The following C12orf42 variants were observed in gnomAD, a reference collection of about 807,000 sequenced individuals.
C12orf42 encodes chromosome 12 open reading frame 42.
In C12orf42, 25 loss-of-function variants were observed where a neutral mutation model predicts 21.6. That is an observed-to-expected ratio of 1.16 (90% CI 0.84 to 1.62). C12orf42 has a LOEUF of 1.62. Ranked by LOEUF, C12orf42 falls within the 40% of genes most tolerant of loss-of-function variation. The pLI is 0.00. For synonymous variants in C12orf42, 174 were observed against 175.0 expected, an observed-to-expected ratio of 0.99 and a Z score of 0.05; for missense variants, 483 against 459.3, an observed-to-expected ratio of 1.05 and a Z score of -0.47.
chr12:103,561,271 G>A, the C12orf42 span, among the ~76,000 whole-genome samples: 2,756 of 152,232 alleles, frequency 0.018, 72 homozygotes, highest in African/African-American at 0.054. Context: ...TTTTGTACAT[G>A]AGGCTTCCTT....
intron 2 of C12orf42, among the ~76,000 whole-genome samples, chr12:103,407,018 C>T (rs1408392199): frequency 1.3e-5 from 2 of 152,096 alleles, no homozygotes; most frequent in African/African-American, 4.8e-5. Context: ...TTATTGACAG[C>T]CAACAATTTT....
At chr12:103,118,605 T>C in the C12orf42 span, among the ~76,000 whole-genome samples, 3 of 151,918 alleles carry the variant, frequency 2.0e-5, no homozygotes, top group South Asian at 4.2e-4. Context: ...GAGACCATCC[T>C]GGCTAACACG....
At chr12:103,206,870 C>G in the C12orf42 span, among the ~76,000 whole-genome samples, 1 of 152,144 alleles carries the variant, frequency 6.6e-6, no homozygotes, top group African/African-American at 2.4e-5. Context: ...AGCCGATCTT[C>G]CCGGCTAGAA....
At chr12:103,217,530 C>CA in the C12orf42 span, among the ~76,000 whole-genome samples, 1,865 of 77,810 alleles carry the variant, frequency 0.024, 23 homozygotes, top group African/African-American at 0.057. Flanking sequence ...GACCCTGTCT[C>CA]AAAAAAAAAA....
At chr12:103,211,843 A>C in the C12orf42 span, among the ~76,000 whole-genome samples, 1 of 152,208 alleles carries the variant, frequency 6.6e-6, no homozygotes, top group African/African-American at 2.4e-5. Context: ...CACTTGTCAG[A>C]TATATATGTT....
the C12orf42 span, among the ~76,000 whole-genome samples, chr12:103,210,639 C>CTTTTTTTTTTTTTTTTTTTTT: frequency 3.9e-5 from 3 of 77,628 alleles, no homozygotes; most frequent in Non-Finnish European, 5.1e-5. Flanking sequence ...CCCTCTATTT[C>CTTTTTTTTTTTTTTTTTTTTT]TTTTTTTTTT....
intron 3 of C12orf42, among the ~76,000 whole-genome samples, chr12:103,381,174 A>T (rs1322415662): frequency 6.6e-6 from 1 of 152,228 alleles, no homozygotes; most frequent in Non-Finnish European, 1.5e-5. Flanking sequence ...CAACTCCCCA[A>T]CATTGAGCAA....
At chr12:103,281,909 G>GACAGAA (rs1566016141) in intron 4 of C12orf42, among the ~76,000 whole-genome samples, 30 of 116,156 alleles carry the variant, frequency 2.6e-4, no homozygotes, top group African/African-American at 1.0e-3. Context: ...AAGAAAAGAA[G>GACAGAA]AAAGAAAAAG....
At chr12:103,191,570 A>AAAAAAAAAAAAAAAAAAAAAC in the C12orf42 span, among the ~76,000 whole-genome samples, 1 of 129,024 alleles carries the variant, frequency 7.8e-6, no homozygotes, top group African/African-American at 2.9e-5. Context: ...AAAAAAAAAA[A>AAAAAAAAAAAAAAAAAAAAAC]AAAATACAAA....
chr12:103,469,931 G>A (rs1371451003), intron 2 of C12orf42, among the ~76,000 whole-genome samples: 1 of 152,158 alleles, frequency 6.6e-6, no homozygotes, highest in African/African-American at 2.4e-5. Flanking sequence ...ATATAGCTCA[G>A]TTTGCTCATA....
At chr12:103,080,003 C>A in the C12orf42 span, among the ~76,000 whole-genome samples, 9 of 152,014 alleles carry the variant, frequency 5.9e-5, no homozygotes, top group South Asian at 2.1e-4. Context: ...GGCTCTGGGA[C>A]GGCGGTAGAG....
At chr12:103,552,316 A>C in the C12orf42 span, among the ~76,000 whole-genome samples, 1 of 152,200 alleles carries the variant, frequency 6.6e-6, no homozygotes, top group Non-Finnish European at 1.5e-5. Context: ...CCCGTTAGTC[A>C]GAGAGCATTG....
chr12:103,370,761 A>G (rs1225962794), intron 3 of C12orf42, among the ~76,000 whole-genome samples: 1 of 152,052 alleles, frequency 6.6e-6, no homozygotes, highest in African/African-American at 2.4e-5. Context: ...AAAGAATCAG[A>G]AAAAATACCC....
the C12orf42 span, among the ~76,000 whole-genome samples, chr12:103,052,333 C>CA: frequency 2.6e-5 from 4 of 152,110 alleles, no homozygotes; most frequent in Non-Finnish European, 4.4e-5. Context: ...ACAGGTGACT[C>CA]AAATTCTCAC....
chr12:103,190,777 T>C, the C12orf42 span, among the ~76,000 whole-genome samples: 5 of 151,866 alleles, frequency 3.3e-5, no homozygotes, highest in Non-Finnish European at 7.4e-5. Flanking sequence ...CACCATCGAG[T>C]AAACCAATGT....
the C12orf42 span, among the ~76,000 whole-genome samples, chr12:103,107,700 G>C: frequency 1.3e-5 from 2 of 151,404 alleles, no homozygotes; most frequent in African/African-American, 4.8e-5. Context: ...ATTAGGAAAT[G>C]AATAACATTG....
the C12orf42 span, among the ~76,000 whole-genome samples, chr12:103,056,811 T>C: frequency 3.3e-5 from 5 of 152,210 alleles, no homozygotes; most frequent in South Asian, 1.0e-3. Flanking sequence ...GGTTTTTCCA[T>C]ATACTTTCTA....
chr12:103,550,720 AG>A, the C12orf42 span: 1 of 152,174 alleles, frequency 6.6e-6, no homozygotes, highest in African/African-American at 2.4e-5. Context: ...AGCTAAAAAA[AG>A]TTAGCCTTTT....
At chr12:103,495,471 A>T (rs1955469853) in intron 1 of C12orf42, among the ~76,000 whole-genome samples, 1 of 145,964 alleles carries the variant, frequency 6.9e-6, no homozygotes, top group African/African-American at 2.5e-5. Flanking sequence ...GGCGGCGGCG[A>T]GCCGGCCGGG....
Sources: gnomAD v4.1 joint callset for allele counts (sites outside exome capture counted in the v4.1 genomes callset) on GRCh38, gnomAD v4.1.1 for gene constraint, MANE v1.5 for transcripts, NCBI Gene and HGNC (gene_info 2026-07-23, HGNC 2026-07-21) for gene names.